The following ZNF462 variants were observed in gnomAD, a reference collection of about 807,000 sequenced individuals.
The protein encoded by ZNF462 is zinc finger protein 462, also known as zinc finger PBX1-interacting protein.
In ZNF462, 10 loss-of-function variants were observed where a neutral mutation model predicts 201.9. The observed-to-expected ratio is 0.05, with a 90% CI of 0.03 to 0.08. The LOEUF (loss-of-function observed/expected upper bound fraction) is 0.08. Ranked by LOEUF, ZNF462 falls within the 10% of genes least tolerant of loss-of-function variation. The pLI is 1.00. For missense variants in ZNF462, 2,523 were observed against 3,168.3 expected (o/e 0.80, Z 4.89); for synonymous variants, 1,227 against 1,193.3 (o/e 1.03, Z -0.58).
chr9:106,932,667 T>A lies in ZNF462; in HGVS notation c.6116+118T>A. The A allele has an allele frequency of 2.3e-6, 3 of 1,299,026 alleles. No homozygotes were observed. The highest frequency in any genetic ancestry group is 3.2e-6 in the Non-Finnish European group (3 of 931,600). The allele number at this position is 1,299,026 out of a possible 1,614,324, so 80.5% of individuals were successfully genotyped here. ...GGCCCCACTCATGGTTCACACCTGC[T>A]GCTATGTTACCTGGAGCCTCAGTCA... On this transcript the variant is annotated intron_variant, in intron 5 of 12. Transcript: ENST00000277225. The surrounding 1 kb of genome is among the most constrained non-coding windows in gnomAD (Gnocchi z 6.8).
intron 7 of ZNF462, among the ~76,000 whole-genome samples, chr9:106,964,833 C>T (rs1831998526): frequency 1.3e-5 from 2 of 151,920 alleles, no homozygotes; most frequent in East Asian, 1.9e-4. Flanking sequence ...GTTTTAGGAG[C>T]AAATGAAACT....
At chr9:106,995,604 G>A (rs1039247813) in intron 10 of ZNF462, 10 of 152,124 alleles carry the variant, frequency 6.6e-5, no homozygotes, top group Admixed American at 2.6e-4. Context: ...TCACCTACCT[G>A]TTTTGTGATC....
At position 107,009,386 on chromosome 9, in the gene ZNF462, T is replaced by G. The variant is rs996872179; in HGVS notation, c.7190-159T>G. ...CTCGAATGCTATTCAAGGAATGCCCTAAGGGGGAAACCTAAGAAAAAGTGA... is the reference window on the plus strand; with the variant it reads ...CTCGAATGCTATTCAAGGAATGCCCGAAGGGGGAAACCTAAGAAAAAGTGA... On this transcript the variant is annotated intron_variant, in intron 11 of 12. Coordinates refer to ENST00000277225, the MANE Select transcript of ZNF462 (RefSeq NM_021224.6). The surrounding 1 kb of genome is among the most constrained non-coding windows in gnomAD (Gnocchi z 6.1). 1 of 1,010,890 alleles carries G rather than the reference T, an allele frequency of 9.9e-7. No homozygotes were observed. Among genetic ancestry groups the G allele is most frequent in the African/African-American group, 1.6e-5 (1 of 61,728 alleles). The allele number at this position is 1,010,890 out of a possible 1,614,324, so 62.6% of individuals were successfully genotyped here. A position where few individuals can be genotyped will look rare whatever the true frequency, so the allele number is the denominator to read the frequency against.
In ZNF462 at chr9:106,929,648, C is replaced by T; in HGVS notation, c.5736C>T (p.Asn1912=). 1 of 1,614,188 alleles carries T rather than the reference C, an allele frequency of 6.2e-7. No homozygotes were observed. Among genetic ancestry groups the T allele is most frequent in the South Asian group, 1.1e-5 (1 of 91,080 alleles). Reference sequence around the variant, plus strand: ...CAGCCGAGCTGACCTCACACTTGAACATTCACAATGAGGAATTCCAGAAGC... The same window carrying T: ...CAGCCGAGCTGACCTCACACTTGAATATTCACAATGAGGAATTCCAGAAGC... ...QSTAELTSHL[N]IHNEEFQKRA... Residue 1912 remains asparagine, a synonymous_variant, in exon 3 of 13, where the codon AAC becomes AAT. Coordinates refer to ENST00000277225, the MANE Select transcript of ZNF462 (RefSeq NM_021224.6). This position sits in a 1 kb window ranked among gnomAD's most constrained non-coding sequence, Gnocchi z 8.7.
chr9:106,903,111 C>G (rs913311068), intron 1 of ZNF462, among the ~76,000 whole-genome samples: 6 of 151,962 alleles, frequency 3.9e-5, no homozygotes, highest in African/African-American at 1.2e-4. Flanking sequence ...TTTGCTTTGT[C>G]CCAGAGGTTT....
At chr9:106,877,006 A>G (rs926893748) in intron 1 of ZNF462, among the ~76,000 whole-genome samples, 8 of 152,198 alleles carry the variant, frequency 5.3e-5, no homozygotes, top group Non-Finnish European at 8.8e-5. Context: ...TTACTAATGT[A>G]CTATAATATC....
At chr9:106,939,235 T>C (rs916525385) in intron 7 of ZNF462, 128 bp downstream of exon 7, 15 of 1,006,038 alleles carry the variant, frequency 1.5e-5, no homozygotes, top group Non-Finnish European at 2.0e-5. Flanking sequence ...GGAAGAAATA[T>C]GAAAAAGTTG....
chr9:106,882,543 C>CT (rs1346848283), intron 1 of ZNF462, among the ~76,000 whole-genome samples: 28 of 152,286 alleles, frequency 1.8e-4, no homozygotes, highest in Admixed American at 1.8e-3. Context: ...GTAAGAATGT[C>CT]TAACAGTCTA....
At chr9:106,874,891 T>A (rs1299627286) in intron 1 of ZNF462, among the ~76,000 whole-genome samples, 1 of 152,220 alleles carries the variant, frequency 6.6e-6, no homozygotes, top group East Asian at 1.9e-4. Flanking sequence ...TTGTTAATAA[T>A]GAATGAACAT....
intron 1 of ZNF462, among the ~76,000 whole-genome samples, chr9:106,897,035 GA>G (rs1364466094): frequency 6.6e-6 from 1 of 152,098 alleles, no homozygotes; most frequent in African/African-American, 2.4e-5. Flanking sequence ...TGATTTCTCT[GA>G]AAACATTTAA....
In ZNF462 at chr9:106,886,163, C is replaced by T. The variant is rs991393136; in HGVS notation, c.-31+22808C>T. ...CTGATAGGTGGTAGCCACATAATGA[C>T]TCATTGAGCACTACTGACTTAGTAA... On this transcript the variant is annotated intron_variant, in intron 1 of 12. Coordinates refer to ENST00000277225, the MANE Select transcript of ZNF462 (RefSeq NM_021224.6). The surrounding 1 kb of genome is among the most constrained non-coding windows in gnomAD (Gnocchi z 4.6). Among the ~76,000 whole-genome samples, 3 of 152,112 alleles carry T rather than the reference C, an allele frequency of 2.0e-5. No individual in the cohort carries two copies. Among genetic ancestry groups the T allele is most frequent in the Admixed American group, 6.5e-5 (1 of 15,274 alleles).
rs769866513 is a variant in ZNF462, at chr9:106,924,913, C to T, written c.1001C>T (p.Ser334Leu). The T allele has an allele frequency of 2.5e-6, 4 of 1,614,234 alleles. No homozygotes were observed. Among genetic ancestry groups the T allele is most frequent in the South Asian group, 1.1e-5 (1 of 91,082 alleles). Residue 334 changes from serine to leucine, a missense_variant, in exon 3 of 13, where the codon TCA (serine) becomes TTA (leucine). Ser to Leu is a moderately radical substitution (Grantham distance 145, BLOSUM62 -2). This residue lies in a region of ZNF462 where 480 missense variants were observed against 544.4 expected (regional missense o/e 0.88). Transcript: ENST00000277225. The surrounding 1 kb of genome is among the most constrained non-coding windows in gnomAD (Gnocchi z 6.2). ...AACTCCATCATGAGACCCAATTCTT[C>T]AGCTTCCAAGTTTTCGCCCATGTCT... ...MGNSIMRPNS[S>L]ASKFSPMSYP...
intron 1 of ZNF462, among the ~76,000 whole-genome samples, chr9:106,866,423 G>C (rs958686277): frequency 6.6e-6 from 1 of 152,110 alleles, no homozygotes; most frequent in Non-Finnish European, 1.5e-5. Flanking sequence ...CATTAATTGA[G>C]GGTTATTGTT....
Position 106,886,807 on chromosome 9 carries a change from A to G in ZNF462, c.-31+23452A>G, listed in dbSNP as rs1828340140. Among the ~76,000 whole-genome samples, 1 of 152,032 alleles carries G rather than the reference A, an allele frequency of 6.6e-6. No individual in the cohort carries two copies. Among genetic ancestry groups the G allele is most frequent in the African/African-American group, 2.4e-5 (1 of 41,386 alleles). ...CAGATAGCTTCTATTTCTCGTGCCAATTTTGATTGATTGGTGGAGAATGCC... is the reference window on the plus strand; with the variant it reads ...CAGATAGCTTCTATTTCTCGTGCCAGTTTTGATTGATTGGTGGAGAATGCC... On this transcript the variant is annotated intron_variant, in intron 1 of 12. Coordinates refer to ENST00000277225, the MANE Select transcript of ZNF462 (RefSeq NM_021224.6). The surrounding 1 kb of genome is among the most constrained non-coding windows in gnomAD (Gnocchi z 4.6).
Position 106,954,619 on chromosome 9 carries a change from ATC to A in ZNF462, c.6427+15519_6427+15520del, listed in dbSNP as rs1050569274. Among the ~76,000 whole-genome samples, 4 of 151,650 alleles carry A rather than the reference ATC, an allele frequency of 2.6e-5. No individual in the cohort carries two copies. Among genetic ancestry groups the A allele is most frequent in the Admixed American group, 6.6e-5 (1 of 15,220 alleles). On this transcript the variant is annotated intron_variant, in intron 7 of 12. Transcript: ENST00000277225. The surrounding 1 kb of genome is among the most constrained non-coding windows in gnomAD (Gnocchi z 4.0). ...ATATTCTAGCCTAACTGGAATGAGCATCTCTCTCCTCATCCTTTTGCCTTTGT... is the reference window on the plus strand; with the variant it reads ...ATATTCTAGCCTAACTGGAATGAGCATCTCTCCTCATCCTTTTGCCTTTGT...
rs72743712 is a variant in ZNF462 at position 106,993,039 on chromosome 9, C to T, written c.7056+8630C>T. Among the ~76,000 whole-genome samples, 20,398 of 152,078 alleles carry T rather than the reference C, an allele frequency of 0.13. 1,481 individuals are homozygous for T. Among genetic ancestry groups the T allele is most frequent in the African/African-American group, 0.17 (7,046 of 41,472 alleles). ...GGATTCACTTTTTTTCCCAGTAAAACAGTGCATTGCTCATTATATTCTTCT... is the reference window on the plus strand; with the variant it reads ...GGATTCACTTTTTTTCCCAGTAAAATAGTGCATTGCTCATTATATTCTTCT... On this transcript the variant is annotated intron_variant, in intron 10 of 12. Transcript: ENST00000277225. This position sits in a 1 kb window ranked among gnomAD's most constrained non-coding sequence, Gnocchi z 4.0.
At position 106,929,578 on chromosome 9, in the gene ZNF462, A is replaced by G; in HGVS notation, c.5666A>G (p.Asn1889Ser). 1 of 1,614,034 alleles carries G rather than the reference A, an allele frequency of 6.2e-7. No individual in the cohort carries two copies. Among genetic ancestry groups the G allele is most frequent in the Non-Finnish European group, 8.5e-7 (1 of 1,179,998 alleles). The change falls in exon 3 of 13, where the codon AAC (asparagine) becomes AGC (serine). Residue 1889 changes from asparagine (N) to serine (S), a missense_variant. Physicochemically the swap from Asn to Ser is conservative, Grantham distance 46. Around this residue, in one of 15 missense-constraint regions of ZNF462, gnomAD observed 207 missense variants for 231.6 expected, o/e 0.89. Transcript: ENST00000277225. The surrounding 1 kb of genome is among the most constrained non-coding windows in gnomAD (Gnocchi z 8.7). ...IILGNGPRLQ[N>S]STYQCKHCDS... ...CTGGGCAACGGCCCCCGCTTGCAGAACTCCACCTACCAGTGTAAGCACTGT... is the reference window on the plus strand; with the variant it reads ...CTGGGCAACGGCCCCCGCTTGCAGAGCTCCACCTACCAGTGTAAGCACTGT...
rs932871695 is a variant in ZNF462 at position 106,963,920 on chromosome 9, T to A, written c.6428-8085T>A. ...GGGTTTGACTGCTCTAGGTGCCTCA[T>A]GGAAGTGGCATCGTGCAGTATTTGT... On this transcript the variant is annotated intron_variant, in intron 7 of 12. Coordinates refer to ENST00000277225, the MANE Select transcript of ZNF462 (RefSeq NM_021224.6). The surrounding 1 kb of genome is among the most constrained non-coding windows in gnomAD (Gnocchi z 4.7). Among the ~76,000 whole-genome samples the A allele has an allele frequency of 6.6e-6, 1 of 152,042 alleles. No individual in the cohort carries two copies. Among genetic ancestry groups the A allele is most frequent in the Non-Finnish European group, 1.5e-5 (1 of 67,970 alleles).
rs941282974 is a variant in ZNF462 at position 107,006,788 on chromosome 9, C to G, written c.7190-2757C>G. On this transcript the variant is annotated intron_variant, in intron 11 of 12. Coordinates refer to ENST00000277225, the MANE Select transcript of ZNF462 (RefSeq NM_021224.6). This position sits in a 1 kb window ranked among gnomAD's most constrained non-coding sequence, Gnocchi z 4.3. ...GGAAATGACAGCCAAGGTACACTAC[C>G]CTTTCAAAAACCCTGTGCCTGTATT... 6.6e-6 allele frequency among the ~76,000 whole-genome samples: 1 copy of G among 152,018 alleles called. No homozygotes were observed. The highest frequency in any genetic ancestry group is 2.4e-5 in the African/African-American group (1 of 41,386).
Sources: allele counts gnomAD v4.1 joint callset (sites outside exome capture counted in the v4.1 genomes callset), GRCh38; gene constraint gnomAD v4.1.1; regional missense constraint gnomAD v4.1.1; non-coding constraint Gnocchi (gnomAD v3.1); transcripts MANE v1.5; gene names NCBI Gene and HGNC (gene_info 2026-07-23, HGNC 2026-07-21).